CSGALNACT1: variants seen among roughly 807,000 people sequenced by gnomAD.
CSGALNACT1 encodes beta4GalNAcT-1.
A neutral mutation model predicts 51.0 loss-of-function variants in CSGALNACT1; 52 were observed. The observed-to-expected ratio is 1.02, with a 90% CI of 0.82 to 1.29. The LOEUF is 1.29. CSGALNACT1 is among the 50% of genes most tolerant of loss of function. The pLI is 0.00. For synonymous variants in CSGALNACT1, 341 were observed against 254.4 expected (o/e 1.34, Z -3.24); for missense variants, 935 against 679.2 (o/e 1.38, Z -4.19).
intron 3 of CSGALNACT1, among the ~76,000 whole-genome samples, chr8:19,586,419 AAAAAG>A (rs554633416): frequency 2.4e-3 from 358 of 152,060 alleles, no homozygotes; most frequent in African/African-American, 8.1e-3. Flanking sequence ...AAAAAAAAAA[AAAAAG>A]AAGAAGAAGA....
At chr8:19,749,363 A>G (rs2064888737) in intron 1 of CSGALNACT1, among the ~76,000 whole-genome samples, 1 of 152,030 alleles carries the variant, frequency 6.6e-6, no homozygotes. Flanking sequence ...CTTTAAAAAA[A>G]AAAGCCTGAA....
chr8:19,643,640 A>C (rs1337183666), intron 1 of CSGALNACT1, among the ~76,000 whole-genome samples: 1 of 150,660 alleles, frequency 6.6e-6, no homozygotes, highest in Non-Finnish European at 1.5e-5. Context: ...ACCATCTTAA[A>C]AAAAAAAAAA....
intron 1 of CSGALNACT1, among the ~76,000 whole-genome samples, chr8:19,673,570 T>G (rs1436579873): frequency 2.0e-5 from 3 of 152,184 alleles, no homozygotes; most frequent in African/African-American, 7.2e-5. Context: ...CCACGTGTAT[T>G]TCCATCTTTA....
intron 3 of CSGALNACT1, among the ~76,000 whole-genome samples, chr8:19,511,207 T>A (rs2078399921): frequency 6.6e-6 from 1 of 152,080 alleles, no homozygotes; most frequent in African/African-American, 2.4e-5. Flanking sequence ...GGAGTGGCAA[T>A]AAATTCTGCA....
chr8:19,434,558 A>G (rs2060099625), intron 6 of CSGALNACT1, among the ~76,000 whole-genome samples: 1 of 152,224 alleles, frequency 6.6e-6, no homozygotes, highest in African/African-American at 2.4e-5. Context: ...ACATTTTTAC[A>G]TCATAATTTA....
intron 1 of CSGALNACT1, among the ~76,000 whole-genome samples, chr8:19,699,461 A>T (rs1242399287): frequency 1.3e-5 from 2 of 152,252 alleles, no homozygotes; most frequent in African/African-American, 4.8e-5. Flanking sequence ...AGCCTTAAAA[A>T]GGAAGGAAAT....
intron 3 of CSGALNACT1, among the ~76,000 whole-genome samples, chr8:19,532,790 A>C (rs949091263): frequency 1.3e-5 from 2 of 152,140 alleles, no homozygotes; most frequent in African/African-American, 4.8e-5. Flanking sequence ...GAGAGCGAGG[A>C]GTCACCTAAA....
intron 4 of CSGALNACT1, among the ~76,000 whole-genome samples, chr8:19,504,478 T>C (rs1369593878): frequency 6.6e-6 from 1 of 152,204 alleles, no homozygotes; most frequent in Non-Finnish European, 1.5e-5. Flanking sequence ...TAACAATAGA[T>C]AAGTTAAAAA....
chr8:19,493,742 C>A (rs192396272), intron 4 of CSGALNACT1, among the ~76,000 whole-genome samples: 3 of 152,316 alleles, frequency 2.0e-5, no homozygotes, highest in Admixed American at 6.5e-5. Flanking sequence ...GATCCATCCA[C>A]TGATGGACAT....
intron 4 of CSGALNACT1, among the ~76,000 whole-genome samples, chr8:19,489,839 T>C (rs917036605): frequency 7.9e-5 from 12 of 152,200 alleles, no homozygotes; most frequent in African/African-American, 2.7e-4. Flanking sequence ...TAGGAACCTT[T>C]TGTTAGGAAG....
chr8:19,657,721 G>T (rs1351124134), intron 1 of CSGALNACT1, among the ~76,000 whole-genome samples: 2 of 152,208 alleles, frequency 1.3e-5, no homozygotes, highest in Non-Finnish European at 2.9e-5. Context: ...TCTAGACAGT[G>T]TTGTAAGACC....
chr8:19,566,710 G>A (rs1231750024), intron 3 of CSGALNACT1, among the ~76,000 whole-genome samples: 3 of 152,286 alleles, frequency 2.0e-5, no homozygotes, highest in East Asian at 1.9e-4. Context: ...CTTGCTTGAT[G>A]TCTCTGTAAG....
At chr8:19,409,370 G>A (rs1461733273) in intron 8 of CSGALNACT1, among the ~76,000 whole-genome samples, 1 of 152,116 alleles carries the variant, frequency 6.6e-6, no homozygotes, top group Non-Finnish European at 1.5e-5. Flanking sequence ...ATCTACCGTG[G>A]TGCCAGCCTG....
At chr8:19,556,242 G>C (rs1283065285) in intron 3 of CSGALNACT1, among the ~76,000 whole-genome samples, 6 of 149,942 alleles carry the variant, frequency 4.0e-5, no homozygotes, top group Non-Finnish European at 8.9e-5. Context: ...TGGGCATGGT[G>C]GTGTATGCCT....
At chr8:19,580,187 A>G (rs1259917590) in intron 3 of CSGALNACT1, among the ~76,000 whole-genome samples, 1 of 152,228 alleles carries the variant, frequency 6.6e-6, no homozygotes, top group Non-Finnish European at 1.5e-5. Flanking sequence ...TAGGACTTCC[A>G]ATGCAGCCAG....
chr8:19,601,373 G>A (rs901239633), intron 2 of CSGALNACT1, among the ~76,000 whole-genome samples: 1 of 152,198 alleles, frequency 6.6e-6, no homozygotes, highest in East Asian at 1.9e-4. Context: ...TTTGATGACA[G>A]GGTGACTATT....
rs370649036 is a variant in CSGALNACT1, at chr8:19,458,359, G to A, written c.851+67C>T. 1.9e-3 allele frequency: 2,363 copies of A among 1,263,810 alleles called. 63 individuals are homozygous for A. The South Asian group carries it at 0.024, about 13-fold the overall frequency. 78.3% of individuals were successfully genotyped at this position (1,263,810 alleles called of 1,614,324 possible). ...CGGCAGGGGAAATGAAGGAGATGAC[G>A]GGAAATGATATCAGTGTTCTAACAC... On this transcript the variant is annotated intron_variant, in intron 5 of 9. Transcript: ENST00000454498.
intron 3 of CSGALNACT1, among the ~76,000 whole-genome samples, chr8:19,537,490 A>G (rs2084030683): frequency 6.6e-6 from 1 of 152,202 alleles, no homozygotes; most frequent in Non-Finnish European, 1.5e-5. Flanking sequence ...TTATTATTCA[A>G]TATGTACATT....
At chr8:19,549,124 CTTT>C (rs11335504) in intron 3 of CSGALNACT1, among the ~76,000 whole-genome samples, 11 of 148,828 alleles carry the variant, frequency 7.4e-5, no homozygotes, top group African/African-American at 2.2e-4. Flanking sequence ...GCTGCTTATC[CTTT>C]TTTTTTTTAA....
Sources: gnomAD v4.1 joint callset for allele counts (sites outside exome capture counted in the v4.1 genomes callset) on GRCh38, gnomAD v4.1.1 for gene constraint, MANE v1.5 for transcripts, NCBI Gene and HGNC (gene_info 2026-07-23, HGNC 2026-07-21) for gene names.